The following LDLRAD4 variants were observed in gnomAD, a reference collection of about 807,000 sequenced individuals.
The protein encoded by LDLRAD4 is low density lipoprotein receptor class A domain containing 4.
Under a neutral mutation model 17.0 loss-of-function variants are expected in LDLRAD4, and 5 were observed. That is an observed-to-expected ratio of 0.29 (90% CI 0.15 to 0.62). The LOEUF (loss-of-function observed/expected upper bound fraction) is 0.62, where lower values mean the gene tolerates loss of function less well. LDLRAD4 is among the 20% of genes least tolerant of loss of function. The pLI is 0.84. For synonymous variants in LDLRAD4, 168 were observed against 171.8 expected, an observed-to-expected ratio of 0.98 and a Z score of 0.17; for missense variants, 340 against 424.7, an observed-to-expected ratio of 0.80 and a Z score of 1.75.
chr18:13,545,209 A>T (rs1031938124), intron 3 of LDLRAD4, among the ~76,000 whole-genome samples: 2 of 152,000 alleles, frequency 1.3e-5, no homozygotes, highest in African/African-American at 4.8e-5. Context: ...AGGACTCTGA[A>T]GGGCTGCGTG....
intron 1 of LDLRAD4, among the ~76,000 whole-genome samples, chr18:13,332,744 GTT>G (rs34862768): frequency 1.4e-4 from 20 of 139,816 alleles, no homozygotes; most frequent in East Asian, 8.2e-4. Context: ...CATTTTTTTT[GTT>G]TTTTTTTTTT....
At chr18:13,627,183 A>C (rs1311290840) in intron 4 of LDLRAD4, among the ~76,000 whole-genome samples, 1 of 152,218 alleles carries the variant, frequency 6.6e-6, no homozygotes, top group Admixed American at 6.5e-5. Flanking sequence ...AAGCAAGAGA[A>C]TCTGGAGGCA....
intron 1 of LDLRAD4, among the ~76,000 whole-genome samples, chr18:13,297,898 G>A (rs1301715505): frequency 1.3e-5 from 2 of 152,266 alleles, no homozygotes; most frequent in African/African-American, 4.8e-5. Flanking sequence ...CAGGTGCTAA[G>A]GCATGTGGCT....
Position 13,300,970 on chromosome 18 carries a change from G to A in LDLRAD4, c.-383+22782G>A, listed in dbSNP as rs1226537580. ...CAGTGCCCGAGTCCCCGCTGTGAGC[G>A]CCCTGAGGAGCATGTGTGTCTCCGC... On this transcript the variant is annotated intron_variant, in intron 1 of 5. Transcript: ENST00000359446. This position sits in a 1 kb window ranked among gnomAD's most constrained non-coding sequence, Gnocchi z 4.2. Among the ~76,000 whole-genome samples, 2 of 152,228 alleles carry A rather than the reference G, an allele frequency of 1.3e-5. No individual in the cohort carries two copies. The highest frequency in any genetic ancestry group is 4.8e-5 in the African/African-American group (2 of 41,474).
At chr18:13,290,560 TAA>T (rs75826861) in intron 1 of LDLRAD4, among the ~76,000 whole-genome samples, 1 of 145,632 alleles carries the variant, frequency 6.9e-6, no homozygotes. Flanking sequence ...AGGTATTCTT[TAA>T]AAAAAAAAAA....
At chr18:13,241,937 T>C (rs2042675890) in intron 1 of LDLRAD4, 1 of 152,268 alleles carries the variant, frequency 6.6e-6, no homozygotes, top group South Asian at 2.1e-4. Context: ...CCTTATGTAC[T>C]GCAGAGGTCA....
intron 1 of LDLRAD4, among the ~76,000 whole-genome samples, chr18:13,279,049 A>G (rs1356290276): frequency 1.3e-5 from 2 of 152,218 alleles, no homozygotes; most frequent in Non-Finnish European, 2.9e-5. Flanking sequence ...TATGCATGGC[A>G]GAGCAAACCA....
chr18:13,424,955 C>G (rs530269576), intron 2 of LDLRAD4, among the ~76,000 whole-genome samples: 1 of 152,116 alleles, frequency 6.6e-6, no homozygotes, highest in African/African-American at 2.4e-5. Flanking sequence ...GATTTGAGGT[C>G]GAGGAGTGAC....
chr18:13,475,430 T>TC (rs2146848130), intron 3 of LDLRAD4, among the ~76,000 whole-genome samples: 1 of 93,302 alleles, frequency 1.1e-5, no homozygotes, highest in East Asian at 2.2e-4. Context: ...CCCGCTGATT[T>TC]TTTTTTTTTT....
intron 1 of LDLRAD4, among the ~76,000 whole-genome samples, chr18:13,245,879 A>G (rs2042930545): frequency 6.6e-6 from 1 of 152,012 alleles, no homozygotes; most frequent in Non-Finnish European, 1.5e-5. Context: ...CCTGGTGGAG[A>G]CTAAGGGGAA....
In LDLRAD4 at chr18:13,440,299, A is replaced by C. The variant is rs7242431; in HGVS notation, c.181+1915A>C. On this transcript the variant is annotated intron_variant, in intron 3 of 5. Coordinates refer to ENST00000359446, the Ensembl canonical transcript of LDLRAD4. The surrounding 1 kb of genome is among the most constrained non-coding windows in gnomAD (Gnocchi z 4.4). ...CTCCTCCCTCGCTCCCTTTCTTGTCAGTATTCTTTCCGGTTTTTGAGGCCT... is the reference window on the plus strand; with the variant it reads ...CTCCTCCCTCGCTCCCTTTCTTGTCCGTATTCTTTCCGGTTTTTGAGGCCT... Among the ~76,000 whole-genome samples the C allele has an allele frequency of 0.011, 1,615 of 152,068 alleles. 29 individuals are homozygous for C. The highest frequency in any genetic ancestry group is 0.035 in the African/African-American group (1,445 of 41,464).
chr18:13,382,605 A>G (rs1259737793), intron 1 of LDLRAD4: 1 of 151,850 alleles, frequency 6.6e-6, no homozygotes, highest in Non-Finnish European at 1.5e-5. Context: ...TAGAACCTCC[A>G]TGTGTGTGTG....
At chr18:13,404,625 G>A (rs961831729) in intron 2 of LDLRAD4, among the ~76,000 whole-genome samples, 20 of 152,104 alleles carry the variant, frequency 1.3e-4, no homozygotes, top group African/African-American at 3.6e-4. Context: ...GTGAAACCCC[G>A]TCTCTACTAA....
chr18:13,356,121 A>G (rs1386888493), intron 1 of LDLRAD4, among the ~76,000 whole-genome samples: 1 of 152,236 alleles, frequency 6.6e-6, no homozygotes, highest in Non-Finnish European at 1.5e-5. Flanking sequence ...CCTTCAGAGC[A>G]TGAATTGCTC....
intron 2 of LDLRAD4, among the ~76,000 whole-genome samples, chr18:13,399,207 G>GA (rs541171135): frequency 2.0e-5 from 3 of 150,672 alleles, no homozygotes; most frequent in African/African-American, 2.4e-5. Flanking sequence ...AAAAAAAAGA[G>GA]AAAAAAAAGA....
At position 13,398,064 on chromosome 18, in the gene LDLRAD4, G is replaced by T. The variant is rs1166706651; in HGVS notation, c.40+10302G>T. ...GGCCCGAGAGACCCTCCTTGAGGAC[G>T]CAGTGGCCAGTGGGGGCCACCATGT... is the stretch of plus-strand genomic sequence containing the variant. On this transcript the variant is annotated intron_variant, in intron 2 of 5. Coordinates refer to ENST00000359446, the Ensembl canonical transcript of LDLRAD4. This position sits in a 1 kb window ranked among gnomAD's most constrained non-coding sequence, Gnocchi z 4.8. Among the ~76,000 whole-genome samples the T allele has an allele frequency of 6.6e-6, 1 of 152,184 alleles. No homozygotes were observed. The highest frequency in any genetic ancestry group is 6.5e-5 in the Admixed American group (1 of 15,284).
chr18:13,224,474 CTTTT>C lies in LDLRAD4; in HGVS notation c.-467+5506_-467+5509del, dbSNP rs10676168. Among the ~76,000 whole-genome samples the C allele has an allele frequency of 9.1e-5, 8 of 87,886 alleles. No individual in the cohort carries two copies. The South Asian group carries it at 2.4e-3, about 26-fold the overall frequency. 57.7% of individuals were successfully genotyped at this position (87,886 alleles called of 152,430 possible). ...AGCACTATAGTTTCTTTCTTTCTTT[CTTTT>C]TTTTTTTTTTTTTTTTTTTGAGACG... is the stretch of plus-strand genomic sequence containing the variant. On this transcript the variant is annotated intron_variant, in intron 1 of 5. Coordinates refer to the LDLRAD4 transcript ENST00000399848.
intron 1 of LDLRAD4, among the ~76,000 whole-genome samples, chr18:13,284,968 C>T (rs558331077): frequency 2.0e-5 from 3 of 152,252 alleles, no homozygotes; most frequent in Non-Finnish European, 4.4e-5. Context: ...GCATGTCGGA[C>T]GGGCTGTGCC....
intron 1 of LDLRAD4, among the ~76,000 whole-genome samples, chr18:13,382,354 G>A (rs190997410): frequency 1.8e-4 from 28 of 152,228 alleles, no homozygotes; most frequent in African/African-American, 5.3e-4. Context: ...GGAGGACTGC[G>A]TTTCATATAA....
Sources: allele counts gnomAD v4.1 joint callset (sites outside exome capture counted in the v4.1 genomes callset), GRCh38; gene constraint gnomAD v4.1.1; non-coding constraint Gnocchi (gnomAD v3.1); transcripts MANE v1.5; gene names NCBI Gene and HGNC (gene_info 2026-07-23, HGNC 2026-07-21).